Variants in TAB2 observed in about 807,000 individuals in gnomAD.
The protein encoded by TAB2 is TGF-beta activated kinase 1 (MAP3K7) binding protein 2.
Under a neutral mutation model 65.0 loss-of-function variants are expected in TAB2, and 3 were observed. The ratio of observed to expected loss-of-function variants is 0.05; its 90% CI spans 0.02 to 0.12. The LOEUF (loss-of-function observed/expected upper bound fraction) is 0.12, where lower values mean the gene tolerates loss of function less well. Among genes scored for constraint, TAB2 ranks in the 10% least tolerant of loss-of-function variants. TAB2 has a pLI of 1.00. For synonymous variants in TAB2, 298 were observed against 285.1 expected, an observed-to-expected ratio of 1.05 and a Z score of -0.46; for missense variants, 623 against 840.3, an observed-to-expected ratio of 0.74 and a Z score of 3.20.
At chr6:149,308,237 TCAAA>T (rs1779103106) in intron 1 of TAB2, among the ~76,000 whole-genome samples, 2 of 152,200 alleles carry the variant, frequency 1.3e-5, no homozygotes, top group South Asian at 2.1e-4. Context: ...GTGGAAGAGG[TCAAA>T]CAGTTTGCAT....
At chr6:149,368,665 G>GTA (rs1482587342) in intron 1 of TAB2, among the ~76,000 whole-genome samples, 1 of 151,888 alleles carries the variant, frequency 6.6e-6, no homozygotes, top group Non-Finnish European at 1.5e-5. Context: ...GTGTGTGTGT[G>GTA]TGTGTGTGTG....
intron 3 of TAB2, among the ~76,000 whole-genome samples, chr6:149,395,481 TC>T (rs1236950757): frequency 6.6e-6 from 1 of 152,260 alleles, no homozygotes; most frequent in African/African-American, 2.4e-5. Flanking sequence ...TGTTTTAACT[TC>T]CTTTAGCACA....
chr6:149,223,507 C>T (rs1020990524), intron 1 of TAB2, among the ~76,000 whole-genome samples: 5 of 152,150 alleles, frequency 3.3e-5, no homozygotes, highest in Non-Finnish European at 7.3e-5. Context: ...TCCAGATTCC[C>T]GGCCTGTCCT....
At chr6:149,287,797 A>ATT (rs1172774446) in intron 1 of TAB2, among the ~76,000 whole-genome samples, 23 of 152,316 alleles carry the variant, frequency 1.5e-4, no homozygotes, top group African/African-American at 5.5e-4. Flanking sequence ...AGTGCTGAAC[A>ATT]TTTGCTCAAG....
intron 1 of TAB2, among the ~76,000 whole-genome samples, chr6:149,310,012 A>C (rs1049916242): frequency 5.9e-5 from 9 of 152,124 alleles, no homozygotes; most frequent in African/African-American, 2.2e-4. Context: ...TCATTTTGTC[A>C]ACTTTTGATT....
At chr6:149,220,504 A>G (rs1777119831) in intron 1 of TAB2, among the ~76,000 whole-genome samples, 1 of 152,180 alleles carries the variant, frequency 6.6e-6, no homozygotes, top group East Asian at 1.9e-4. Flanking sequence ...ATATTGTATT[A>G]TATAATATCC....
chr6:149,223,133 C>T (rs1777189842), intron 1 of TAB2, among the ~76,000 whole-genome samples: 1 of 152,150 alleles, frequency 6.6e-6, no homozygotes, highest in African/African-American at 2.4e-5. Flanking sequence ...AAAAAACAAA[C>T]TCAAAAGACT....
intron 1 of TAB2, among the ~76,000 whole-genome samples, chr6:149,319,226 G>A (rs1779358144): frequency 6.6e-6 from 1 of 152,096 alleles, no homozygotes; most frequent in Admixed American, 6.5e-5. Context: ...AATTTTAGTG[G>A]GCATGGAATA....
At chr6:149,325,106 G>A (rs1218770411) in intron 1 of TAB2, among the ~76,000 whole-genome samples, 2 of 152,004 alleles carry the variant, frequency 1.3e-5, no homozygotes, top group South Asian at 2.1e-4. Flanking sequence ...TAATTTTACC[G>A]TGTTGGGAGT....
intron 3 of TAB2, among the ~76,000 whole-genome samples, chr6:149,390,316 A>G (rs1439329087): frequency 6.6e-6 from 1 of 152,220 alleles, no homozygotes; most frequent in African/African-American, 2.4e-5. Context: ...AAGATACCAG[A>G]AGTAAGTACC....
Position 149,354,677 on chromosome 6 carries a change from C to T in TAB2, c.-89-15232C>T, listed in dbSNP as rs192924591. Among the ~76,000 whole-genome samples, 173 of 152,224 alleles carry T rather than the reference C, an allele frequency of 1.1e-3. 1 individual carries two copies. Among genetic ancestry groups the T allele is most frequent in the African/African-American group, 3.9e-3 (164 of 41,542 alleles). On this transcript the variant is annotated intron_variant, in intron 1 of 6. Coordinates refer to ENST00000637181, the MANE Select transcript of TAB2 (RefSeq NM_001292034.3). ...CAAAGATATTCTGTGCACGTAAAAG[C>T]GTGTGTGTTCTTGTATGTAAGAGAA...
intron 1 of TAB2, among the ~76,000 whole-genome samples, chr6:149,354,602 A>T (rs1780596975): frequency 6.6e-6 from 1 of 152,120 alleles, no homozygotes; most frequent in South Asian, 2.1e-4. Flanking sequence ...AATCTCCCTT[A>T]ATTGCGTTCC....
At chr6:149,376,632 C>A (rs975468645) in intron 2 of TAB2, among the ~76,000 whole-genome samples, 1 of 152,160 alleles carries the variant, frequency 6.6e-6, no homozygotes, top group African/African-American at 2.4e-5. Flanking sequence ...GTCCTTTCTT[C>A]GGTAGCCTAC....
At chr6:149,334,414 T>A (rs1779873508) in intron 1 of TAB2, among the ~76,000 whole-genome samples, 1 of 152,150 alleles carries the variant, frequency 6.6e-6, no homozygotes. Context: ...TAGCCAGGCA[T>A]AAGGCCTGTA....
At chr6:149,361,106 G>A (rs1780832851) in intron 1 of TAB2, among the ~76,000 whole-genome samples, 1 of 152,198 alleles carries the variant, frequency 6.6e-6, no homozygotes, top group South Asian at 2.1e-4. Context: ...TCTAGGGTCT[G>A]GAGGACGGGG....
At chr6:149,286,622 G>A (rs1419035856) in intron 1 of TAB2, among the ~76,000 whole-genome samples, 2 of 152,254 alleles carry the variant, frequency 1.3e-5, no homozygotes, top group Middle Eastern at 3.4e-3. Flanking sequence ...CTGACAGAAG[G>A]TTTAAGCACA....
upstream of TAB2, chr6:149,218,623 A>G: frequency 2.8e-6 from 1 of 360,872 alleles, no homozygotes; most frequent in East Asian, 7.4e-5. Context: ...ATTCTTACAG[A>G]TGAGAAGACT....
chr6:149,331,196 G>A (rs1211336040), intron 1 of TAB2, among the ~76,000 whole-genome samples: 4 of 151,984 alleles, frequency 2.6e-5, no homozygotes, highest in Admixed American at 1.3e-4. Context: ...CATGAACCTG[G>A]TATATGGTAT....
intron 1 of TAB2, among the ~76,000 whole-genome samples, chr6:149,219,260 C>A (rs1186613232): frequency 3.3e-5 from 5 of 151,928 alleles, no homozygotes; most frequent in African/African-American, 1.2e-4. Context: ...GCCAAATCCG[C>A]TTCCAGGGTT....
Sources: allele counts gnomAD v4.1 joint callset (sites outside exome capture counted in the v4.1 genomes callset), GRCh38; gene constraint gnomAD v4.1.1; transcripts MANE v1.5; gene names NCBI Gene and HGNC (gene_info 2026-07-23, HGNC 2026-07-21).